Variants in OXR1 observed in about 807,000 individuals in gnomAD.
The protein encoded by OXR1 is oxidation resistance 1.
A neutral mutation model predicts 104.6 loss-of-function variants in OXR1; 41 were observed. That is an observed-to-expected ratio of 0.39 (90% CI 0.31 to 0.51). The LOEUF (loss-of-function observed/expected upper bound fraction) is 0.51, where lower values mean the gene tolerates loss of function less well. Ranked by LOEUF, OXR1 falls within the 20% of genes least tolerant of loss-of-function variation. The pLI is 0.77. For missense variants in OXR1, 955 were observed against 1,031.9 expected (o/e 0.93, Z 1.02); for synonymous variants, 348 against 348.4 (o/e 1.00, Z 0.01).
intron 2 of OXR1, among the ~76,000 whole-genome samples, chr8:106,468,408 CCACA>C (rs147013671): frequency 6.6e-6 from 1 of 151,214 alleles, no homozygotes; most frequent in African/African-American, 2.4e-5. Flanking sequence ...TATACTACAT[CCACA>C]CACACACACA....
chr8:106,694,722 T>TTTATATATTTAATATATAAATATATG (rs1829719128), intron 7 of OXR1, among the ~76,000 whole-genome samples: 3 of 100,524 alleles, frequency 3.0e-5, no homozygotes, highest in Admixed American at 2.5e-4. Context: ...ATAAATATAT[T>TTTATATATTTAATATATAAATATATG]TTTATATATT....
At chr8:106,456,132 T>C (rs1820583672) in intron 2 of OXR1, among the ~76,000 whole-genome samples, 1 of 152,176 alleles carries the variant, frequency 6.6e-6, no homozygotes, top group Non-Finnish European at 1.5e-5. Flanking sequence ...TAGAATTAAA[T>C]AAAAAACTTT....
chr8:106,572,351 A>C (rs1817531944), intron 3 of OXR1, among the ~76,000 whole-genome samples: 2 of 152,242 alleles, frequency 1.3e-5, no homozygotes, highest in Admixed American at 1.3e-4. Flanking sequence ...TGTTTTCACC[A>C]TCTCTTTATC....
intron 3 of OXR1, among the ~76,000 whole-genome samples, chr8:106,600,082 A>G (rs1279916745): frequency 6.6e-6 from 1 of 152,214 alleles, no homozygotes; most frequent in Non-Finnish European, 1.5e-5. Flanking sequence ...GCCAAGGGCC[A>G]GTACCAGTCT....
chr8:106,355,980 A>C (rs1388293809), intron 1 of OXR1, among the ~76,000 whole-genome samples: 2 of 152,174 alleles, frequency 1.3e-5, no homozygotes, highest in African/African-American at 4.8e-5. Flanking sequence ...ATTGCAATAG[A>C]GGAGAGAGAC....
At chr8:106,413,927 C>A (rs1223299694) in intron 2 of OXR1, among the ~76,000 whole-genome samples, 1 of 151,944 alleles carries the variant, frequency 6.6e-6, no homozygotes, top group African/African-American at 2.4e-5. Context: ...AGGGTTTCAC[C>A]ATGTTGACCA....
At chr8:106,503,468 A>G (rs1316731662) in intron 2 of OXR1, among the ~76,000 whole-genome samples, 1 of 152,174 alleles carries the variant, frequency 6.6e-6, no homozygotes, top group Non-Finnish European at 1.5e-5. Flanking sequence ...CAAGGTTTTC[A>G]GAGAGGGCTG....
In OXR1 at chr8:106,710,745, A is replaced by G; in HGVS notation, c.1748A>G (p.Gln583Arg). The G allele has an allele frequency of 1.3e-6, 2 of 1,569,656 alleles. No individual in the cohort carries two copies. Among genetic ancestry groups the G allele is most frequent in the South Asian group, 2.4e-5 (2 of 83,294 alleles). ...QASATMQQYA[Q>R]RDKKHEYWFA... ...AGTGCTACAATGCAACAGTATGCAC[A>G]GAGAGATAAGAAACATGAATATTGG... The change falls in exon 10 of 17, where the codon CAG becomes CGG. Residue 583 changes from glutamine (Q) to arginine (R), a missense_variant. This residue lies in a region of OXR1 where 849 missense variants were observed against 852.9 expected (regional missense o/e 1.00). Coordinates refer to ENST00000517566, the MANE Select transcript of OXR1 (RefSeq NM_001198533.2).
At chr8:106,367,238 A>AT (rs750114474) in intron 2 of OXR1, among the ~76,000 whole-genome samples, 1 of 151,042 alleles carries the variant, frequency 6.6e-6, no homozygotes, top group Non-Finnish European at 1.5e-5. Context: ...ATTTTTTTGT[A>AT]TTTTTTAGTA....
intron 2 of OXR1, among the ~76,000 whole-genome samples, chr8:106,473,697 T>C (rs1241392064): frequency 6.6e-6 from 1 of 151,762 alleles, no homozygotes; most frequent in Non-Finnish European, 1.5e-5. Context: ...TAGTGGAAAG[T>C]GAAGATTTCT....
At chr8:106,513,314 T>C (rs1477601840) in intron 2 of OXR1, among the ~76,000 whole-genome samples, 2 of 152,044 alleles carry the variant, frequency 1.3e-5, no homozygotes, top group Admixed American at 1.3e-4. Flanking sequence ...CCTCCTCAAA[T>C]TGCATTACCA....
intron 1 of OXR1, among the ~76,000 whole-genome samples, chr8:106,283,715 C>T (rs1812380864): frequency 6.6e-6 from 1 of 152,148 alleles, no homozygotes; most frequent in African/African-American, 2.4e-5. Flanking sequence ...AACTTCCTAA[C>T]CATTTTAATA....
chr8:106,667,467 G>T (rs1826463909), intron 3 of OXR1, among the ~76,000 whole-genome samples: 1 of 152,118 alleles, frequency 6.6e-6, no homozygotes, highest in African/African-American at 2.4e-5. Context: ...CCAACCTCTG[G>T]ATAGTATTGA....
At chr8:106,435,480 CA>C (rs1819534882) in intron 2 of OXR1, among the ~76,000 whole-genome samples, 1 of 152,122 alleles carries the variant, frequency 6.6e-6, no homozygotes, top group African/African-American at 2.4e-5. Flanking sequence ...GTGCCTGTTC[CA>C]ATAATTACCA....
chr8:106,515,999 G>T (rs1350037081), intron 2 of OXR1, among the ~76,000 whole-genome samples: 1 of 152,046 alleles, frequency 6.6e-6, no homozygotes, highest in Non-Finnish European at 1.5e-5. Context: ...CCTCATTTAA[G>T]AACCTTGAAG....
intron 2 of OXR1, among the ~76,000 whole-genome samples, chr8:106,415,579 G>GACAGAGAC (rs1554571061): frequency 6.6e-6 from 1 of 150,466 alleles, no homozygotes; most frequent in African/African-American, 2.5e-5. Context: ...CTGAGAGAGA[G>GACAGAGAC]AGAGAGACAG....
At chr8:106,284,012 T>TG (rs1194167921) in intron 1 of OXR1, among the ~76,000 whole-genome samples, 3 of 152,022 alleles carry the variant, frequency 2.0e-5, no homozygotes, top group Non-Finnish European at 4.4e-5. Flanking sequence ...TCTTCCCAAA[T>TG]GCACAGAACA....
chr8:106,335,046 A>G (rs1361078774), intron 1 of OXR1, among the ~76,000 whole-genome samples: 1 of 151,938 alleles, frequency 6.6e-6, no homozygotes, highest in Non-Finnish European at 1.5e-5. Context: ...ACACAAATGC[A>G]CACACACACA....
chr8:106,340,095 A>T (rs758919114), intron 1 of OXR1, among the ~76,000 whole-genome samples: 4 of 152,102 alleles, frequency 2.6e-5, no homozygotes, highest in Non-Finnish European at 5.9e-5. Flanking sequence ...GCAAGCTGTA[A>T]AACCATCATT....
Sources: gnomAD v4.1 joint callset for allele counts (sites outside exome capture counted in the v4.1 genomes callset) on GRCh38, gnomAD v4.1.1 for gene constraint, gnomAD v4.1.1 regional missense constraint, MANE v1.5 for transcripts, NCBI Gene and HGNC (gene_info 2026-07-23, HGNC 2026-07-21) for gene names.